SEZ6L: variants seen among roughly 807,000 people sequenced by gnomAD.
The protein encoded by SEZ6L is seizure 6-like protein.
Under a neutral mutation model 106.2 loss-of-function variants are expected in SEZ6L, and 37 were observed. The ratio of observed to expected loss-of-function variants is 0.35; its 90% CI spans 0.27 to 0.46. SEZ6L has a LOEUF of 0.46. Ranked by LOEUF, SEZ6L falls within the 20% of genes least tolerant of loss-of-function variation. The pLI is 1.00. For synonymous variants in SEZ6L, 541 were observed against 570.4 expected (o/e 0.95, Z 0.73); for missense variants, 1,172 against 1,332.8 (o/e 0.88, Z 1.88).
Position 26,169,607 on chromosome 22 carries a change from T to C in SEZ6L, c.-63T>C. 3.5e-6 allele frequency: 2 copies of C among 578,116 alleles called. No individual in the cohort carries two copies. The highest frequency in any genetic ancestry group is 3.7e-5 in the South Asian group (1 of 27,008). The allele number at this position is 578,116 out of a possible 1,614,324, so 35.8% of individuals were successfully genotyped here. On this transcript the variant is annotated 5_prime_UTR_variant, in exon 1 of 17. Coordinates refer to ENST00000248933, the MANE Select transcript of SEZ6L (RefSeq NM_021115.5). ...CTTTCTCGCTCACCGCCGCCCTCCT[T>C]CCCCAGCTCCCTCGCCGTCCGCCCG...
chr22:26,382,493 G>GGAAA lies in SEZ6L; in HGVS notation c.*2201_*2204dup, dbSNP rs2084438678. On this transcript the variant is annotated 3_prime_UTR_variant, in exon 17 of 17. Coordinates refer to ENST00000248933, the MANE Select transcript of SEZ6L (RefSeq NM_021115.5). ...ACCCCAGATGTTCTTATTGACTATT[G>GGAAA]GAAAGATAGAAAAGGCGTTGTGTTT... 6.6e-6 allele frequency: 1 copy of GGAAA among 152,354 alleles called. No individual in the cohort carries two copies. Among genetic ancestry groups the GGAAA allele is most frequent in the Admixed American group, 6.5e-5 (1 of 15,280 alleles). 9.4% of individuals were successfully genotyped at this position (152,354 alleles called of 1,614,324 possible).
rs575359240 is a variant in SEZ6L at position 26,268,693 on chromosome 22, G to A, written c.95-23713G>A. ...TTGTTATGGGAAAGGTGCCTGTCCC[G>A]TGCATTGTAGGATGTTTAGCAATAC... On this transcript the variant is annotated intron_variant, in intron 1 of 16. Coordinates refer to ENST00000248933, the MANE Select transcript of SEZ6L (RefSeq NM_021115.5). Among the ~76,000 whole-genome samples the A allele has an allele frequency of 7.9e-5, 12 of 152,222 alleles. No homozygotes were observed. In the South Asian group the frequency reaches 8.3e-4, roughly 11 times the overall value.
intron 1 of SEZ6L, among the ~76,000 whole-genome samples, chr22:26,235,930 C>T (rs1020740613): frequency 3.2e-4 from 48 of 152,214 alleles, no homozygotes; most frequent in Non-Finnish European, 1.5e-5. Flanking sequence ...AGAGAAGTTT[C>T]ATGAAGCTGC....
At chr22:26,370,547 G>T (rs2083995290) in intron 13 of SEZ6L, among the ~76,000 whole-genome samples, 1 of 152,132 alleles carries the variant, frequency 6.6e-6, no homozygotes, top group African/African-American at 2.4e-5. Context: ...GCTTCAAATG[G>T]AAGGAGCAGT....
intron 1 of SEZ6L, among the ~76,000 whole-genome samples, chr22:26,183,240 A>G (rs766409579): frequency 6.6e-6 from 1 of 152,204 alleles, no homozygotes; most frequent in Non-Finnish European, 1.5e-5. Flanking sequence ...CTTTCTCTTT[A>G]TTTCAGACAT....
chr22:26,377,356 T>C (rs2084263294), intron 15 of SEZ6L, among the ~76,000 whole-genome samples: 1 of 152,128 alleles, frequency 6.6e-6, no homozygotes, highest in Non-Finnish European at 1.5e-5. Context: ...TGCTCATCCT[T>C]GTTCTTGTTT....
chr22:26,203,787 C>CA (rs1941127575), intron 1 of SEZ6L, among the ~76,000 whole-genome samples: 1 of 152,176 alleles, frequency 6.6e-6, no homozygotes, highest in African/African-American at 2.4e-5. Flanking sequence ...CTCAAGAGCT[C>CA]AAGACCTGAA....
chr22:26,265,801 T>G (rs887268725), intron 1 of SEZ6L, among the ~76,000 whole-genome samples: 1 of 152,200 alleles, frequency 6.6e-6, no homozygotes, highest in African/African-American at 2.4e-5. Flanking sequence ...CAGACATGCC[T>G]TTGATGTCCT....
chr22:26,264,418 A>G (rs1043278505), intron 1 of SEZ6L, among the ~76,000 whole-genome samples: 9 of 152,252 alleles, frequency 5.9e-5, no homozygotes, highest in Non-Finnish European at 8.8e-5. Flanking sequence ...AATACAAATG[A>G]GGAAGATGGA....
intron 1 of SEZ6L, among the ~76,000 whole-genome samples, chr22:26,290,510 C>G (rs1287491429): frequency 6.6e-6 from 1 of 151,996 alleles, no homozygotes; most frequent in Non-Finnish European, 1.5e-5. Context: ...CCAGCCTGGG[C>G]GACAGAGTGA....
intron 12 of SEZ6L, among the ~76,000 whole-genome samples, chr22:26,352,160 CAAA>C (rs3071657): frequency 5.0e-5 from 6 of 121,140 alleles, no homozygotes; most frequent in Admixed American, 8.7e-5. Context: ...GACCCTGCCT[CAAA>C]AAAAAAAAAA....
Position 26,380,480 on chromosome 22 carries a change from G to C in SEZ6L, c.*185G>C, listed in dbSNP as rs549589225. On this transcript the variant is annotated 3_prime_UTR_variant, in exon 17 of 17. Coordinates refer to ENST00000248933, the MANE Select transcript of SEZ6L (RefSeq NM_021115.5). Reference sequence around the variant, plus strand: ...TATATTTAAAAGTGAAATAGGTGTGGGTTTGGATGTTTCGCGGCCTCAGCC... The same window carrying C: ...TATATTTAAAAGTGAAATAGGTGTGCGTTTGGATGTTTCGCGGCCTCAGCC... 8 of 477,836 alleles carry C rather than the reference G, an allele frequency of 1.7e-5. No individual in the cohort carries two copies. The highest frequency in any genetic ancestry group is 9.7e-5 in the African/African-American group (5 of 51,536). 29.6% of individuals were successfully genotyped at this position (477,836 alleles called of 1,614,324 possible).
rs1172695355 is a variant in SEZ6L, at chr22:26,334,789, C to T, written c.2016-5647C>T. On this transcript the variant is annotated intron_variant, in intron 9 of 16. Coordinates refer to ENST00000248933, the MANE Select transcript of SEZ6L (RefSeq NM_021115.5). Reference sequence around the variant, plus strand: ...CTGTGGAAAGCCTTTCACTCTGGCACCTGAGAAGGGCCAGAGTGGGCAGGG... The same window carrying T: ...CTGTGGAAAGCCTTTCACTCTGGCATCTGAGAAGGGCCAGAGTGGGCAGGG... Among the ~76,000 whole-genome samples, 3 of 152,150 alleles carry T rather than the reference C, an allele frequency of 2.0e-5. No individual in the cohort carries two copies. In the East Asian group the frequency reaches 5.8e-4, roughly 29 times the overall value.
At chr22:26,181,498 G>C (rs1047168391) in intron 1 of SEZ6L, among the ~76,000 whole-genome samples, 1 of 152,204 alleles carries the variant, frequency 6.6e-6, no homozygotes, top group Non-Finnish European at 1.5e-5. Context: ...GATATGCCAG[G>C]TTAATTTGCA....
intron 9 of SEZ6L, among the ~76,000 whole-genome samples, chr22:26,315,301 G>C (rs1358934112): frequency 6.6e-6 from 1 of 151,990 alleles, no homozygotes; most frequent in Non-Finnish European, 1.5e-5. Flanking sequence ...ACAACATAGA[G>C]GCATCCTGTC....
intron 11 of SEZ6L, 69 bp from the exon 12 acceptor site, chr22:26,350,983 G>A (rs2083258622): frequency 6.7e-7 from 1 of 1,491,178 alleles, no homozygotes; most frequent in Non-Finnish European, 9.1e-7. Flanking sequence ...AGATCATTCT[G>A]TAATTCTCAG....
At chr22:26,324,023 G>A (rs1053199229) in intron 9 of SEZ6L, among the ~76,000 whole-genome samples, 1 of 150,756 alleles carries the variant, frequency 6.6e-6, no homozygotes, top group African/African-American at 2.4e-5. Flanking sequence ...GGCCAAGTCA[G>A]GACTTGAACC....
At chr22:26,334,952 C>T (rs530904246) in intron 9 of SEZ6L, among the ~76,000 whole-genome samples, 1 of 152,306 alleles carries the variant, frequency 6.6e-6, no homozygotes, top group Non-Finnish European at 1.5e-5. Flanking sequence ...AACTGCCATC[C>T]CGTTTTCCTA....
At chr22:26,324,713 G>C (rs1345883413) in intron 9 of SEZ6L, among the ~76,000 whole-genome samples, 1 of 152,184 alleles carries the variant, frequency 6.6e-6, no homozygotes, top group African/African-American at 2.4e-5. Context: ...GATTTCCCTG[G>C]AGCCAAAAGT....
Sources: allele counts gnomAD v4.1 joint callset (sites outside exome capture counted in the v4.1 genomes callset), GRCh38; gene constraint gnomAD v4.1.1; transcripts MANE v1.5; gene names NCBI Gene and HGNC (gene_info 2026-07-23, HGNC 2026-07-21).